Variants in ANKS6 observed in about 807,000 individuals in gnomAD.
ANKS6 encodes the protein ankyrin repeat and SAM domain-containing protein 6.
In ANKS6, 47 loss-of-function variants were observed where a neutral mutation model predicts 77.9. That is an observed-to-expected ratio of 0.60 (90% CI 0.48 to 0.77). The LOEUF (loss-of-function observed/expected upper bound fraction) is 0.77, where lower values mean the gene tolerates loss of function less well. Among genes scored for constraint, ANKS6 ranks in the 30% least tolerant of loss-of-function variants. The pLI is 0.00. For synonymous variants in ANKS6, 488 were observed against 501.7 expected (o/e 0.97, Z 0.37); for missense variants, 1,150 against 1,159.1 (o/e 0.99, Z 0.11).
In ANKS6 at chr9:98,736,493, C is replaced by T. The variant is rs1831509220; in HGVS notation, c.*26G>A. 6.3e-7 allele frequency: 1 copy of T among 1,589,438 alleles called. No individual in the cohort carries two copies. The highest frequency in any genetic ancestry group is 8.6e-7 in the Non-Finnish European group (1 of 1,165,980). ...AAGGGGTCCCGGGATTCAGAGAGCT[C>T]ACGCTGGTGGCTGCGGGAAGGAGGA... is the stretch of plus-strand genomic sequence containing the variant. On this transcript the variant is annotated 3_prime_UTR_variant, in exon 15 of 15. Transcript: ENST00000353234.
rs184346217 is a variant in ANKS6 at position 98,767,434 on chromosome 9, C to T, written c.2142+647G>A. ...CTGATGCCCTCAAACCTGGGTAGGG[C>T]CCCCCACCTGTGCCCCTACAGCATC... On this transcript the variant is annotated intron_variant, in intron 11 of 14. Coordinates refer to ENST00000353234, the MANE Select transcript of ANKS6 (RefSeq NM_173551.5). 2.0e-4 allele frequency among the ~76,000 whole-genome samples: 30 copies of T among 152,226 alleles called. No homozygotes were observed. In the East Asian group the frequency reaches 5.8e-3, roughly 29 times the overall value.
At chr9:98,781,487 T>C (rs1374534561) in intron 5 of ANKS6, among the ~76,000 whole-genome samples, 1 of 152,206 alleles carries the variant, frequency 6.6e-6, no homozygotes, top group Non-Finnish European at 1.5e-5. Flanking sequence ...GTAGGATCAC[T>C]GGACTTGGGG....
At position 98,756,647 on chromosome 9, in the gene ANKS6, G is replaced by C. The variant is rs752281992; in HGVS notation, c.2143-44C>G. On this transcript the variant is annotated intron_variant, in intron 11 of 14. Transcript: ENST00000353234. ...CAAATACATAAGCCATCACCTGTAGGGTAGAAATGAGGAAAACAAGACACC... is the reference window on the plus strand; with the variant it reads ...CAAATACATAAGCCATCACCTGTAGCGTAGAAATGAGGAAAACAAGACACC... The C allele has an allele frequency of 2.8e-6, 4 of 1,413,894 alleles. No individual in the cohort carries two copies. In the East Asian group the frequency reaches 1.1e-4, roughly 38 times the overall value. The allele number at this position is 1,413,894 out of a possible 1,614,324, so 87.6% of individuals were successfully genotyped here. A position where few individuals can be genotyped will look rare whatever the true frequency, so the allele number is the denominator to read the frequency against.
chr9:98,733,866 C>T lies in ANKS6; in HGVS notation c.*2653G>A. ...ATGAAAAACCTATTATCCTGTGGAA[C>T]TAGGGTTCCCAGGAGCATACTTTTG... On this transcript the variant is annotated 3_prime_UTR_variant, in exon 15 of 15. Transcript: ENST00000353234. 1.0e-6 allele frequency: 1 copy of T among 985,346 alleles called. No individual in the cohort carries two copies. Among genetic ancestry groups the T allele is most frequent in the African/African-American group, 1.7e-5 (1 of 57,308 alleles). 61.0% of individuals were successfully genotyped at this position (985,346 alleles called of 1,614,324 possible).
intron 2 of ANKS6, among the ~76,000 whole-genome samples, chr9:98,785,450 C>G (rs1279873998): frequency 6.6e-6 from 1 of 152,250 alleles, no homozygotes; most frequent in Non-Finnish European, 1.5e-5. Context: ...AAAGCCGCTG[C>G]CCAACTGGGC....
chr9:98,774,336 G>A (rs1246864239), intron 8 of ANKS6, among the ~76,000 whole-genome samples: 1 of 152,178 alleles, frequency 6.6e-6, no homozygotes, highest in African/African-American at 2.4e-5. Context: ...GAGACAGAGC[G>A]CCAAGGAGAA....
At position 98,734,632 on chromosome 9, in the gene ANKS6, TCTG is replaced by T; in HGVS notation, c.*1884_*1886del. On this transcript the variant is annotated 3_prime_UTR_variant, in exon 15 of 15. Transcript: ENST00000353234. ...CACCAGGTCCGGTTCTGACCCCAGATCTGCTCCTTCTGGGCTGTTTAACTGGCA... is the reference window on the plus strand; with the variant it reads ...CACCAGGTCCGGTTCTGACCCCAGATCTCCTTCTGGGCTGTTTAACTGGCA... 1 of 958,536 alleles carries T rather than the reference TCTG, an allele frequency of 1.0e-6. No individual in the cohort carries two copies. The highest frequency in any genetic ancestry group is 1.2e-6 in the Non-Finnish European group (1 of 805,602). 59.4% of individuals were successfully genotyped at this position (958,536 alleles called of 1,614,324 possible).
chr9:98,732,255 G>C lies in ANKS6; in HGVS notation c.*4264C>G. 1.8e-6 allele frequency: 1 copy of C among 564,726 alleles called. No homozygotes were observed. The highest frequency in any genetic ancestry group is 3.1e-6 in the Non-Finnish European group (1 of 317,686). 35.0% of individuals were successfully genotyped at this position (564,726 alleles called of 1,614,324 possible). On this transcript the variant is annotated 3_prime_UTR_variant, in exon 15 of 15. Transcript: ENST00000353234. ...GTACAGGTCAGCGTTATCCAAAGTTGTCCAGCCTCCGGCCTGGCCCATGTC... is the reference window on the plus strand; with the variant it reads ...GTACAGGTCAGCGTTATCCAAAGTTCTCCAGCCTCCGGCCTGGCCCATGTC...
intron 1 of ANKS6, among the ~76,000 whole-genome samples, chr9:98,795,756 G>A (rs1402682740): frequency 6.6e-6 from 1 of 152,156 alleles, no homozygotes; most frequent in Non-Finnish European, 1.5e-5. Flanking sequence ...GCCCACCAAT[G>A]CCCTGGGTGG....
In ANKS6 at chr9:98,761,109, T is replaced by C. The variant is rs373126315; in HGVS notation, c.2143-4506A>G. 2.4e-4 allele frequency among the ~76,000 whole-genome samples: 36 copies of C among 152,382 alleles called. 1 individual carries two copies. In the South Asian group the frequency reaches 7.5e-3, roughly 32 times the overall value. Reference sequence around the variant, plus strand: ...ATATAGCTCTATCTTAATTATGGTTTTAATTTGCATTATCCTAGTACCTAA... The same window carrying C: ...ATATAGCTCTATCTTAATTATGGTTCTAATTTGCATTATCCTAGTACCTAA... On this transcript the variant is annotated intron_variant, in intron 11 of 14. Transcript: ENST00000353234.
rs1207761343 is a variant in ANKS6 at position 98,732,336 on chromosome 9, C to A, written c.*4183G>T. ...GACGAGTTCCCTGCCCCCTTTTTAC[C>A]CGCTGGATCAGCTTCTACGACTTGG... On this transcript the variant is annotated 3_prime_UTR_variant, in exon 15 of 15. Transcript: ENST00000353234. 3 of 796,490 alleles carry A rather than the reference C, an allele frequency of 3.8e-6. No individual in the cohort carries two copies. Among genetic ancestry groups the A allele is most frequent in the African/African-American group, 1.7e-5 (1 of 57,450 alleles). The allele number at this position is 796,490 out of a possible 1,614,324, so 49.3% of individuals were successfully genotyped here.
At chr9:98,744,166 G>A (rs1406013322) in intron 14 of ANKS6, among the ~76,000 whole-genome samples, 4 of 152,220 alleles carry the variant, frequency 2.6e-5, no homozygotes, top group African/African-American at 9.6e-5. Flanking sequence ...AGAGGAGAAG[G>A]AACTAGTAAA....
At chr9:98,785,503 C>T (rs567329845) in intron 2 of ANKS6, among the ~76,000 whole-genome samples, 11 of 152,324 alleles carry the variant, frequency 7.2e-5, no homozygotes, top group African/African-American at 9.6e-5. Flanking sequence ...AGGCTGGGGC[C>T]GGACCCCATG....
intron 1 of ANKS6, among the ~76,000 whole-genome samples, chr9:98,794,681 C>T (rs1426824066): frequency 6.6e-6 from 1 of 152,146 alleles, no homozygotes; most frequent in Non-Finnish European, 1.5e-5. Flanking sequence ...CATGTCAGTG[C>T]TGTAGTCACA....
rs111230371 is a variant in ANKS6, at chr9:98,789,035, C to CTT, written c.862+1067_862+1068dup. Among the ~76,000 whole-genome samples, 593 of 137,276 alleles carry CTT rather than the reference C, an allele frequency of 4.3e-3. 2 individuals are homozygous for CTT. Among genetic ancestry groups the CTT allele is most frequent in the African/African-American group, 0.012 (460 of 37,702 alleles). The allele number at this position is 137,276 out of a possible 152,430, so 90.1% of individuals were successfully genotyped here. ...CTTGTTCTGATTGGATGGTGTATTT[C>CTT]TTTTTTTTTTTTTTTGGAGAGTGTA... On this transcript the variant is annotated intron_variant, in intron 2 of 14. Coordinates refer to ENST00000353234, the MANE Select transcript of ANKS6 (RefSeq NM_173551.5).
intron 11 of ANKS6, among the ~76,000 whole-genome samples, chr9:98,766,069 G>C (rs894063686): frequency 4.6e-5 from 7 of 152,232 alleles, no homozygotes; most frequent in Admixed American, 2.6e-4. Flanking sequence ...GCCTCATTCA[G>C]GTATGCTGGG....
At chr9:98,774,973 G>C (rs889591439) in intron 8 of ANKS6, among the ~76,000 whole-genome samples, 1 of 152,226 alleles carries the variant, frequency 6.6e-6, no homozygotes, top group Admixed American at 6.5e-5. Context: ...CCATTATGGG[G>C]GGGCAGGCAC....
At chr9:98,753,079 T>C (rs753503942) in intron 12 of ANKS6, among the ~76,000 whole-genome samples, 37 of 152,146 alleles carry the variant, frequency 2.4e-4, no homozygotes, top group Non-Finnish European at 5.1e-4. Flanking sequence ...TGCATGTATA[T>C]AGGCACATAA....
Position 98,734,720 on chromosome 9 carries a change from C to G in ANKS6, c.*1799G>C. 1.1e-6 allele frequency: 1 copy of G among 950,064 alleles called. No individual in the cohort carries two copies. Among genetic ancestry groups the G allele is most frequent in the Non-Finnish European group, 1.3e-6 (1 of 797,740 alleles). The allele number at this position is 950,064 out of a possible 1,614,324, so 58.9% of individuals were successfully genotyped here. A position where few individuals can be genotyped will look rare whatever the true frequency, so the allele number is the denominator to read the frequency against. On this transcript the variant is annotated 3_prime_UTR_variant, in exon 15 of 15. Transcript: ENST00000353234. ...ATGTGCAAGATGAGGTTACACAATG[C>G]CACCTCCAGGGTGGCCATGAGGATG... is the stretch of plus-strand genomic sequence containing the variant.
Sources: gnomAD v4.1 joint callset for allele counts (sites outside exome capture counted in the v4.1 genomes callset) on GRCh38, gnomAD v4.1.1 for gene constraint, MANE v1.5 for transcripts, NCBI Gene and HGNC (gene_info 2026-07-23, HGNC 2026-07-21) for gene names.